The following PCLO variants were observed in gnomAD, a reference collection of about 807,000 sequenced individuals.
PCLO encodes protein piccolo.
A neutral mutation model predicts 427.5 loss-of-function variants in PCLO; 82 were observed. The observed-to-expected ratio is 0.19, with a 90% CI of 0.16 to 0.23. The LOEUF is 0.23. Ranked by LOEUF, PCLO falls within the 10% of genes least tolerant of loss-of-function variation. The pLI, the probability that PCLO is intolerant of heterozygous loss-of-function variation, is 1.00. For missense variants in PCLO, 6,239 were observed against 6,115.9 expected, an observed-to-expected ratio of 1.02 and a Z score of -0.67; for synonymous variants, 2,357 against 2,155.4, an observed-to-expected ratio of 1.09 and a Z score of -2.59.
At chr7:82,826,494 G>A (rs1791946866) in intron 18 of PCLO, 95 bp downstream of exon 18, 19 of 698,090 alleles carry the variant, frequency 2.7e-5, no homozygotes, top group East Asian at 2.9e-5. Flanking sequence ...TTTCAGAAAC[G>A]GCTATCTTAT....
chr7:83,071,877 C>A (rs1789826121), intron 3 of PCLO, among the ~76,000 whole-genome samples: 2 of 152,058 alleles, frequency 1.3e-5, no homozygotes, highest in Admixed American at 1.3e-4. Flanking sequence ...TTACATATAT[C>A]TGACTTTAGA....
intron 10 of PCLO, 51 bp downstream of exon 10, chr7:82,879,286 T>C: frequency 6.9e-7 from 1 of 1,458,782 alleles, no homozygotes; most frequent in Non-Finnish European, 9.4e-7. Context: ...TTAAAATGTA[T>C]TTAATATGAG....
intron 20 of PCLO, among the ~76,000 whole-genome samples, chr7:82,820,003 C>T (rs1368387437): frequency 6.6e-6 from 1 of 152,080 alleles, no homozygotes; most frequent in Non-Finnish European, 1.5e-5. Flanking sequence ...CATTCCTTGT[C>T]ACTGGCAGTG....
intron 3 of PCLO, among the ~76,000 whole-genome samples, chr7:83,054,829 A>G (rs1789339252): frequency 6.6e-6 from 1 of 152,088 alleles, no homozygotes; most frequent in African/African-American, 2.4e-5. Flanking sequence ...GAATGAGTTG[A>G]GCAACTTCAC....
intron 10 of PCLO, among the ~76,000 whole-genome samples, chr7:82,864,312 A>T (rs1421670995): frequency 6.6e-6 from 1 of 152,116 alleles, no homozygotes; most frequent in East Asian, 1.9e-4. Context: ...ATAATTTCTG[A>T]CATGATTACT....
rs887633187 is a variant in PCLO, at chr7:83,004,340, A to C, written c.3301-37853T>G. Among the ~76,000 whole-genome samples the C allele has an allele frequency of 3.3e-5, 5 of 151,832 alleles. No homozygotes were observed. In the Admixed American group the frequency reaches 3.3e-4, roughly 10 times the overall value. On this transcript the variant is annotated intron_variant, in intron 3 of 24. Transcript: ENST00000333891. ...GAACAATGAAATAGAACAGAGCAGA[A>C]AAATAAGCCCAAGCATTTACAGTCA...
chr7:83,055,175 A>C (rs539523839), intron 3 of PCLO, among the ~76,000 whole-genome samples: 3 of 152,106 alleles, frequency 2.0e-5, no homozygotes, highest in Non-Finnish European at 4.4e-5. Flanking sequence ...AAATAATCCC[A>C]AAACAAATTC....
intron 10 of PCLO, among the ~76,000 whole-genome samples, chr7:82,876,647 C>T (rs1424364863): frequency 6.6e-6 from 1 of 152,004 alleles, no homozygotes; most frequent in Non-Finnish European, 1.5e-5. Context: ...CAGGTATAAC[C>T]TTTTTGAGGG....
At chr7:82,851,959 A>G (rs1374836144) in intron 10 of PCLO, among the ~76,000 whole-genome samples, 1 of 152,012 alleles carries the variant, frequency 6.6e-6, no homozygotes, top group Admixed American at 6.6e-5. Flanking sequence ...AAATTTATAT[A>G]TTTTTCATAT....
chr7:83,117,071 A>T (rs932580029), intron 3 of PCLO, among the ~76,000 whole-genome samples: 1 of 152,252 alleles, frequency 6.6e-6, no homozygotes, highest in Non-Finnish European at 1.5e-5. Flanking sequence ...AGGACATTAC[A>T]TTAAAGATGA....
At chr7:82,801,272 C>T (rs186329344) in intron 22 of PCLO, among the ~76,000 whole-genome samples, 47 of 150,972 alleles carry the variant, frequency 3.1e-4, no homozygotes, top group Middle Eastern at 3.4e-3. Context: ...TCATCCTTCT[C>T]ATTTTTCTTT....
chr7:83,096,914 A>AATATATATAATATAATATATTATATATT lies in PCLO; in HGVS notation c.3300+37335_3300+37336insAATATATAATATATTATATTATATATAT, dbSNP rs1790571578. Among the ~76,000 whole-genome samples the AATATATATAATATAATATATTATATATT allele has an allele frequency of 6.1e-5, 3 of 49,424 alleles. 1 individual carries two copies. Among genetic ancestry groups the AATATATATAATATAATATATTATATATT allele is most frequent in the Non-Finnish European group, 9.4e-5 (3 of 32,046 alleles). The allele number at this position is 49,424 out of a possible 152,430, so 32.4% of individuals were successfully genotyped here. A position where few individuals can be genotyped will look rare whatever the true frequency, so the allele number is the denominator to read the frequency against. On this transcript the variant is annotated intron_variant, in intron 3 of 24. Coordinates refer to ENST00000333891, the MANE Select transcript of PCLO (RefSeq NM_033026.6). ...TAATATATTAATATTATATTATCTA[A>AATATATATAATATAATATATTATATATT]ATATATATAATATAATATAATATAT... is the stretch of plus-strand genomic sequence containing the variant.
chr7:83,030,864 G>A (rs1583931813), intron 3 of PCLO, among the ~76,000 whole-genome samples: 1 of 152,110 alleles, frequency 6.6e-6, no homozygotes, highest in Admixed American at 6.5e-5. Flanking sequence ...TGGGAGTAAA[G>A]ACCTTTATGC....
intron 21 of PCLO, among the ~76,000 whole-genome samples, 195 bp from the exon 22 acceptor site, chr7:82,801,786 A>G (rs1360662617): frequency 6.6e-6 from 1 of 152,180 alleles, no homozygotes; most frequent in Non-Finnish European, 1.5e-5. Flanking sequence ...CTATATCATA[A>G]TTTTAAAATG....
At chr7:82,855,739 A>G (rs540862095) in intron 10 of PCLO, among the ~76,000 whole-genome samples, 12 of 152,190 alleles carry the variant, frequency 7.9e-5, no homozygotes, top group Non-Finnish European at 1.8e-4. Flanking sequence ...ACAATGTCGT[A>G]TTTCTCCAGG....
chr7:82,897,635 T>C (rs1234757686), intron 9 of PCLO, among the ~76,000 whole-genome samples: 1 of 151,460 alleles, frequency 6.6e-6, no homozygotes, highest in Non-Finnish European at 1.5e-5. Context: ...TGGGTCTTTG[T>C]TGTGTTCACT....
Position 83,143,709 on chromosome 7 carries a change from G to A in PCLO, c.1894-8053C>T, listed in dbSNP as rs528479855. On this transcript the variant is annotated intron_variant, in intron 2 of 24. Transcript: ENST00000333891. ...AATTTGTAAAATAATTACAGTACAC[G>A]GACATGAAAGTGTATCCATACCGTA... Among the ~76,000 whole-genome samples, 10 of 149,428 alleles carry A rather than the reference G, an allele frequency of 6.7e-5. No individual in the cohort carries two copies. The South Asian group carries it at 1.9e-3, about 28-fold the overall frequency.
chr7:82,800,058 G>A (rs576085332), intron 22 of PCLO, among the ~76,000 whole-genome samples: 1 of 152,276 alleles, frequency 6.6e-6, no homozygotes, highest in East Asian at 1.9e-4. Flanking sequence ...GTTCATGAGT[G>A]TACACAGAGA....
intron 6 of PCLO, among the ~76,000 whole-genome samples, chr7:82,940,579 T>A (rs1773209782): frequency 6.6e-6 from 1 of 152,100 alleles, no homozygotes; most frequent in African/African-American, 2.4e-5. Flanking sequence ...AGGATAATCA[T>A]CTTTAGCTTC....
Sources: allele counts gnomAD v4.1 joint callset (sites outside exome capture counted in the v4.1 genomes callset), GRCh38; gene constraint gnomAD v4.1.1; transcripts MANE v1.5; gene names NCBI Gene and HGNC (gene_info 2026-07-23, HGNC 2026-07-21).